AFDN: variants seen among roughly 807,000 people sequenced by gnomAD.
AFDN encodes afadin, adherens junction formation factor.
A neutral mutation model predicts 216.6 loss-of-function variants in AFDN; 68 were observed. The ratio of observed to expected loss-of-function variants is 0.31; its 90% confidence interval spans 0.26 to 0.38. AFDN has a LOEUF of 0.38. AFDN is among the 10% of genes least tolerant of loss of function. The pLI is 1.00. For missense variants in AFDN, 2,136 were observed against 2,342.0 expected (o/e 0.91, Z 1.82); for synonymous variants, 868 against 853.7 (o/e 1.02, Z -0.29).
chr6:167,884,170 A>G (rs1232514837), intron 6 of AFDN, among the ~76,000 whole-genome samples: 1 of 152,172 alleles, frequency 6.6e-6, no homozygotes, highest in Non-Finnish European at 1.5e-5. Flanking sequence ...TTCAGACCCC[A>G]TTTATAATCT....
At position 167,952,207 on chromosome 6, in the gene AFDN, G is replaced by C. The variant is rs754853808; in HGVS notation, c.4833+20G>C. On this transcript the variant is annotated intron_variant, in intron 30 of 33. Coordinates refer to ENST00000683244, the MANE Select transcript of AFDN (RefSeq NM_001386888.1). ...GCGAGGGTAAAGGGGGGAGTGCTTT[G>C]GCTGTGCCCATCTGTGGTCCCTATT... 6.2e-7 allele frequency: 1 copy of C among 1,613,948 alleles called. No individual in the cohort carries two copies. Among genetic ancestry groups the C allele is most frequent in the Non-Finnish European group, 8.5e-7 (1 of 1,179,938 alleles).
intron 1 of AFDN, chr6:167,864,329 T>TAATG: frequency 1.4e-6 from 1 of 736,384 alleles, no homozygotes; most frequent in Non-Finnish European, 2.5e-6. Context: ...CAGCCATTAT[T>TAATG]TCATACGTGA....
At chr6:167,895,242 T>G (rs1788095438) in intron 9 of AFDN, among the ~76,000 whole-genome samples, 1 of 151,148 alleles carries the variant, frequency 6.6e-6, no homozygotes, top group African/African-American at 2.4e-5. Context: ...GCTCTGGGAG[T>G]AGATAAGGGG....
chr6:167,955,616 G>A (rs1187453980), intron 30 of AFDN, among the ~76,000 whole-genome samples: 1 of 152,124 alleles, frequency 6.6e-6, no homozygotes, highest in Non-Finnish European at 1.5e-5. Context: ...GGCCCAAAGA[G>A]AGTTTCTTAT....
chr6:167,924,248 C>G (rs1792204495), intron 22 of AFDN, among the ~76,000 whole-genome samples: 2 of 152,194 alleles, frequency 1.3e-5, no homozygotes, highest in African/African-American at 2.4e-5. Flanking sequence ...TATTTAATTA[C>G]TTAAGTTCCT....
At chr6:167,919,830 T>C (rs1237966156) in intron 21 of AFDN, among the ~76,000 whole-genome samples, 1 of 152,208 alleles carries the variant, frequency 6.6e-6, no homozygotes, top group Non-Finnish European at 1.5e-5. Context: ...AAAGTTAGAC[T>C]CAAAGTGTAG....
intron 1 of AFDN, among the ~76,000 whole-genome samples, chr6:167,863,528 G>C (rs377004782): frequency 1.3e-5 from 2 of 152,240 alleles, no homozygotes; most frequent in African/African-American, 4.8e-5. Flanking sequence ...CAGGACTTTG[G>C]TTGGATTCTG....
intron 23 of AFDN, among the ~76,000 whole-genome samples, chr6:167,934,606 A>G (rs1213644567): frequency 6.6e-6 from 1 of 152,160 alleles, no homozygotes; most frequent in African/African-American, 2.4e-5. Flanking sequence ...TATTGTTCTA[A>G]AATCACCAGC....
intron 32 of AFDN, among the ~76,000 whole-genome samples, chr6:167,968,209 C>T (rs910477410): frequency 6.6e-6 from 1 of 152,116 alleles, no homozygotes; most frequent in Non-Finnish European, 1.5e-5. Context: ...TGTCTCCATG[C>T]GGTAATTTAT....
At chr6:167,877,435 A>G (rs1401834016) in intron 5 of AFDN, among the ~76,000 whole-genome samples, 2 of 152,164 alleles carry the variant, frequency 1.3e-5, no homozygotes, top group African/African-American at 4.8e-5. Context: ...AAGAGGAGTC[A>G]TCAAAGCAAA....
intron 11 of AFDN, among the ~76,000 whole-genome samples, chr6:167,900,745 G>C (rs966183390): frequency 1.3e-5 from 2 of 152,178 alleles, no homozygotes; most frequent in African/African-American, 4.8e-5. Flanking sequence ...TGCAGCTTTG[G>C]TAGGTGGCAG....
intron 6 of AFDN, among the ~76,000 whole-genome samples, chr6:167,887,876 C>T (rs2128325156): frequency 6.6e-6 from 1 of 152,234 alleles, no homozygotes; most frequent in East Asian, 1.9e-4. Context: ...GAAGAAGCTG[C>T]CCTTAGAGCT....
At chr6:167,882,961 T>C (rs1786323217) in intron 6 of AFDN, among the ~76,000 whole-genome samples, 1 of 151,938 alleles carries the variant, frequency 6.6e-6, no homozygotes, top group Non-Finnish European at 1.5e-5. Context: ...AAATGCAGAG[T>C]GAAATGATTC....
chr6:167,826,812 CG>C (rs1779098034), upstream of AFDN: 1 of 143,440 alleles, frequency 7.0e-6, no homozygotes. Flanking sequence ...GGAGGTGCGG[CG>C]GCGCCGCGCG....
chr6:167,857,680 T>A (rs1327339412), intron 1 of AFDN, among the ~76,000 whole-genome samples: 2 of 152,116 alleles, frequency 1.3e-5, no homozygotes, highest in Non-Finnish European at 2.9e-5. Flanking sequence ...TTTATTATAC[T>A]GATTACTTCA....
rs925769171 is a variant in AFDN, at chr6:167,971,638, A to G, written c.*1703A>G. 2 of 194,242 alleles carry G rather than the reference A, an allele frequency of 1.0e-5. No individual in the cohort carries two copies. The highest frequency in any genetic ancestry group is 2.1e-5 in the Non-Finnish European group (2 of 93,508). 12.0% of individuals were successfully genotyped at this position (194,242 alleles called of 1,614,324 possible). ...CCACACTTTCTTTAAAGAGATGCAG[A>G]TGAATTACTTTTCTGTTAATATATA... On this transcript the variant is annotated 3_prime_UTR_variant, in exon 34 of 34. Transcript: ENST00000683244.
chr6:167,913,284 A>G (rs950102113), intron 15 of AFDN, 119 bp from the exon 16 acceptor site: 1 of 949,318 alleles, frequency 1.1e-6, no homozygotes, highest in Non-Finnish European at 1.6e-6. Flanking sequence ...ACATAACTAA[A>G]TGTCGTACCT....
chr6:167,895,482 A>G (rs997813982), intron 9 of AFDN, among the ~76,000 whole-genome samples: 2 of 152,130 alleles, frequency 1.3e-5, no homozygotes, highest in Non-Finnish European at 2.9e-5. Flanking sequence ...ATGATGAACA[A>G]TTTCTTAATG....
In AFDN at chr6:167,887,012, C is replaced by CA. The variant is rs67970460; in HGVS notation, c.898-2182dup. ...CCTGGGTGACAGAGCGAGACTGTAT[C>CA]AAAAAAAAAAAAAAAAAAAAAGAAT... On this transcript the variant is annotated intron_variant, in intron 6 of 33. Transcript: ENST00000683244. Among the ~76,000 whole-genome samples the CA allele has an allele frequency of 7.7e-3, 699 of 90,468 alleles. 19 individuals are homozygous for CA. The highest frequency in any genetic ancestry group is 0.017 in the South Asian group (45 of 2,724). 59.4% of individuals were successfully genotyped at this position (90,468 alleles called of 152,430 possible). A position where few individuals can be genotyped will look rare whatever the true frequency, so the allele number is the denominator to read the frequency against.
Sources: allele counts gnomAD v4.1 joint callset (sites outside exome capture counted in the v4.1 genomes callset), GRCh38; gene constraint gnomAD v4.1.1; transcripts MANE v1.5; gene names NCBI Gene and HGNC (gene_info 2026-07-23, HGNC 2026-07-21).